The following KLRD1 variants were observed in gnomAD, a reference collection of about 807,000 sequenced individuals.
KLRD1 encodes the protein killer cell lectin like receptor D1, also known as natural killer cells antigen CD94.
In KLRD1, 21 loss-of-function variants were observed where a neutral mutation model predicts 22.6. That is an observed-to-expected ratio of 0.93 (90% CI 0.66 to 1.34). The LOEUF (loss-of-function observed/expected upper bound fraction) is 1.34. Among genes scored for constraint, KLRD1 ranks in the 40% most tolerant of loss-of-function variants. KLRD1 has a pLI of 0.00. For synonymous variants in KLRD1, 59 were observed against 71.1 expected, an observed-to-expected ratio of 0.83 and a Z score of 0.85; for missense variants, 183 against 208.6, an observed-to-expected ratio of 0.88 and a Z score of 0.76.
At chr12:10,266,980 C>T (rs1043342968) in intron 1 of KLRD1, among the ~76,000 whole-genome samples, 6 of 150,274 alleles carry the variant, frequency 4.0e-5, no homozygotes, top group East Asian at 2.0e-4. Flanking sequence ...ATGTGCACAA[C>T]GTGCAGGTTT....
At chr12:10,273,815 A>T (rs1429999566) in intron 1 of KLRD1, among the ~76,000 whole-genome samples, 1 of 152,212 alleles carries the variant, frequency 6.6e-6, no homozygotes, top group East Asian at 1.9e-4. Context: ...ACGTACATTC[A>T]AAAGAAGTTA....
chr12:10,257,351 T>C (rs1369898292), intron 1 of KLRD1, among the ~76,000 whole-genome samples: 1 of 151,280 alleles, frequency 6.6e-6, no homozygotes. Flanking sequence ...ACACTTATAA[T>C]GGGTATATTG....
At chr12:10,271,685 G>T (rs559212659) in intron 1 of KLRD1, among the ~76,000 whole-genome samples, 1 of 152,148 alleles carries the variant, frequency 6.6e-6, no homozygotes, top group Non-Finnish European at 1.5e-5. Context: ...TTAAAAAAAT[G>T]CATCCAACAA....
chr12:10,250,479 C>T (rs2908451), intron 1 of KLRD1, among the ~76,000 whole-genome samples: 3,384 of 151,574 alleles, frequency 0.022, 125 homozygotes, highest in African/African-American at 0.077. Flanking sequence ...TTTTTTGAGA[C>T]GGGGTCTCAC....
intron 1 of KLRD1, among the ~76,000 whole-genome samples, chr12:10,273,300 T>C (rs1211176628): frequency 6.6e-6 from 1 of 152,214 alleles, no homozygotes; most frequent in Admixed American, 6.5e-5. Context: ...AGTATAACTT[T>C]ATATTTTGGT....
At chr12:10,314,167 G>T (rs1472462055) in intron 5 of KLRD1, among the ~76,000 whole-genome samples, 3 of 146,704 alleles carry the variant, frequency 2.0e-5, no homozygotes, top group African/African-American at 7.6e-5. Context: ...ATACACAGAG[G>T]CAGTCCAAAA....
At chr12:10,240,540 A>G (rs916862967) in intron 1 of KLRD1, among the ~76,000 whole-genome samples, 1 of 152,172 alleles carries the variant, frequency 6.6e-6, no homozygotes, top group African/African-American at 2.4e-5. Flanking sequence ...TTATGAAAAA[A>G]TGTAAACATT....
intron 1 of KLRD1, among the ~76,000 whole-genome samples, chr12:10,276,040 CTA>C (rs1471673461): frequency 1.3e-5 from 2 of 152,062 alleles, no homozygotes; most frequent in African/African-American, 4.8e-5. Context: ...TAGAATGAAA[CTA>C]TACTTTTTTT....
intron 1 of KLRD1, among the ~76,000 whole-genome samples, chr12:10,277,115 T>TTG (rs1949599298): frequency 1.1e-5 from 1 of 93,640 alleles, no homozygotes; most frequent in African/African-American, 6.5e-5. Context: ...CCTCACAGAG[T>TTG]TTTTTTTTTT....
At chr12:10,255,427 G>A (rs949480124) in intron 1 of KLRD1, among the ~76,000 whole-genome samples, 1 of 152,114 alleles carries the variant, frequency 6.6e-6, no homozygotes, top group Non-Finnish European at 1.5e-5. Flanking sequence ...CTTAAGGGAT[G>A]AAGTTAGGTT....
chr12:10,253,618 G>A (rs1176395605), intron 1 of KLRD1, among the ~76,000 whole-genome samples: 4 of 151,946 alleles, frequency 2.6e-5, no homozygotes, highest in African/African-American at 9.7e-5. Context: ...CCTTTTCTGT[G>A]TTCATAAGTT....
At chr12:10,246,853 C>T (rs901367072) in intron 1 of KLRD1, among the ~76,000 whole-genome samples, 11 of 151,684 alleles carry the variant, frequency 7.3e-5, no homozygotes, top group African/African-American at 2.2e-4. Context: ...TTCATAGTCC[C>T]ATTAAATGGA....
intron 1 of KLRD1, among the ~76,000 whole-genome samples, chr12:10,259,421 C>A (rs747506022): frequency 1.2e-4 from 18 of 152,106 alleles, no homozygotes; most frequent in Non-Finnish European, 1.9e-4. Flanking sequence ...AGTTACTTTA[C>A]ATTTTCCTAG....
chr12:10,285,193 A>G (rs921781388), intron 1 of KLRD1, among the ~76,000 whole-genome samples: 5 of 152,092 alleles, frequency 3.3e-5, no homozygotes, highest in African/African-American at 1.2e-4. Context: ...TCATTTCTGT[A>G]TTTTCAAAAT....
rs750696767 is a variant in KLRD1 at position 10,324,818 on chromosome 12, G to GTCTATATATATATATATA, written c.*10026_*10027insCTATATATATATATATAT. 1 of 74,142 alleles carries GTCTATATATATATATATA rather than the reference G, an allele frequency of 1.3e-5. No individual in the cohort carries two copies. Among genetic ancestry groups the GTCTATATATATATATATA allele is most frequent in the East Asian group, 5.8e-4 (1 of 1,736 alleles). The allele number at this position is 74,142 out of a possible 1,614,324, so 4.6% of individuals were successfully genotyped here. A position where few individuals can be genotyped will look rare whatever the true frequency, so the allele number is the denominator to read the frequency against. On this transcript the variant is annotated 3_prime_UTR_variant, in exon 6 of 6. Coordinates refer to ENST00000336164, the MANE Select transcript of KLRD1 (RefSeq NM_002262.5). ...AGTATATATGTATATGTGTGTGTGT[G>GTCTATATATATATATATA]TATATATATATATATATATATATAT...
At chr12:10,253,665 A>C (rs1949365344) in intron 1 of KLRD1, among the ~76,000 whole-genome samples, 1 of 152,074 alleles carries the variant, frequency 6.6e-6, no homozygotes. Context: ...TGAGATCATG[A>C]GGTGTTTAGT....
At chr12:10,284,632 T>A (rs1949682562) in intron 1 of KLRD1, among the ~76,000 whole-genome samples, 1 of 152,224 alleles carries the variant, frequency 6.6e-6, no homozygotes, top group Non-Finnish European at 1.5e-5. Context: ...ACATATATTT[T>A]AAAATAAAAA....
At chr12:10,262,459 T>C (rs1949462138) in intron 1 of KLRD1, among the ~76,000 whole-genome samples, 1 of 152,098 alleles carries the variant, frequency 6.6e-6, no homozygotes. Flanking sequence ...AGTCCTGATA[T>C]ACGAGAGTTT....
At chr12:10,257,139 CTTT>C (rs55950006) in intron 1 of KLRD1, among the ~76,000 whole-genome samples, 36 of 130,260 alleles carry the variant, frequency 2.8e-4, no homozygotes, top group Middle Eastern at 4.0e-3. Flanking sequence ...CTTTTCTTTT[CTTT>C]TTTTTTTTTT....
Sources: gnomAD v4.1 joint callset for allele counts (sites outside exome capture counted in the v4.1 genomes callset) on GRCh38, gnomAD v4.1.1 for gene constraint, MANE v1.5 for transcripts, NCBI Gene and HGNC (gene_info 2026-07-23, HGNC 2026-07-21) for gene names.